The following PDIA3 variants were observed in gnomAD, a reference collection of about 807,000 sequenced individuals.
PDIA3 encodes the protein protein disulfide-isomerase A3.
A neutral mutation model predicts 56.9 loss-of-function variants in PDIA3; 16 were observed. The ratio of observed to expected loss-of-function variants is 0.28; its 90% CI spans 0.19 to 0.43. The LOEUF is 0.43. Among genes scored for constraint, PDIA3 ranks in the 20% least tolerant of loss-of-function variants. The pLI is 1.00. For synonymous variants in PDIA3, 192 were observed against 216.5 expected (o/e 0.89, Z 0.99); for missense variants, 485 against 621.3 (o/e 0.78, Z 2.33).
chr15:43,752,864 G>A (rs188286242), intron 1 of PDIA3: 5,014 of 471,100 alleles, frequency 0.011, 59 homozygotes, highest in Non-Finnish European at 0.015. Flanking sequence ...AAAAGGTGAT[G>A]TACAGCTGGT....
At chr15:43,763,025 C>A (rs544875681) in intron 4 of PDIA3, 52 bp from the exon 5 acceptor site, 24 of 1,570,684 alleles carry the variant, frequency 1.5e-5, no homozygotes, top group Middle Eastern at 1.7e-4. Flanking sequence ...TTTGGAATGT[C>A]CATCTGTCAG....
intron 1 of PDIA3, among the ~76,000 whole-genome samples, chr15:43,750,498 G>A (rs900174499): frequency 3.3e-5 from 5 of 151,720 alleles, no homozygotes; most frequent in South Asian, 2.1e-4. Flanking sequence ...GTCCTTGGCC[G>A]GGCACGGTGG....
intron 5 of PDIA3, among the ~76,000 whole-genome samples, chr15:43,764,498 G>A (rs2086836260): frequency 6.6e-6 from 1 of 152,052 alleles, no homozygotes; most frequent in African/African-American, 2.4e-5. Context: ...ACAGAGTCTC[G>A]CCCTTGTTGC....
chr15:43,747,288 C>T (rs1466773484), intron 1 of PDIA3, among the ~76,000 whole-genome samples: 1 of 152,244 alleles, frequency 6.6e-6, no homozygotes, highest in South Asian at 2.1e-4. Flanking sequence ...ATCTCAGTAC[C>T]GGCAGATACC....
chr15:43,751,860 A>AT, intron 1 of PDIA3: 3 of 787,350 alleles, frequency 3.8e-6, no homozygotes, highest in Non-Finnish European at 5.4e-6. Flanking sequence ...ATTGTATGTG[A>AT]TTTTTTTCTC....
At chr15:43,760,830 C>CA (rs1212917643) in intron 3 of PDIA3, among the ~76,000 whole-genome samples, 3 of 150,902 alleles carry the variant, frequency 2.0e-5, no homozygotes, top group Admixed American at 6.6e-5. Context: ...AGCACCCGGC[C>CA]AAAAAAACTT....
At chr15:43,761,368 C>T (rs768073813) in intron 3 of PDIA3, 56 bp from the exon 4 acceptor site, 54 of 931,118 alleles carry the variant, frequency 5.8e-5, no homozygotes, top group Non-Finnish European at 8.2e-5. Context: ...GAATAATTGC[C>T]TTCTCAAAAA....
intron 7 of PDIA3, 80 bp downstream of exon 7, chr15:43,766,092 C>T (rs2086846144): frequency 4.4e-6 from 5 of 1,129,222 alleles, no homozygotes; most frequent in Admixed American, 2.6e-5. Context: ...TTGTTGGTTC[C>T]TTAAGAATCT....
intron 1 of PDIA3, among the ~76,000 whole-genome samples, chr15:43,749,476 GA>G (rs2086729775): frequency 6.6e-6 from 1 of 152,134 alleles, no homozygotes; most frequent in Admixed American, 6.5e-5. Context: ...TATCTTACAA[GA>G]AACAGTTAAA....
At chr15:43,759,601 A>G (rs2086801601) in intron 3 of PDIA3, among the ~76,000 whole-genome samples, 3 of 152,220 alleles carry the variant, frequency 2.0e-5, no homozygotes, top group Non-Finnish European at 2.9e-5. Context: ...CCACAGCAGC[A>G]TTATTCATAG....
intron 3 of PDIA3, among the ~76,000 whole-genome samples, chr15:43,759,685 A>G (rs1399136762): frequency 6.6e-6 from 1 of 152,258 alleles, no homozygotes; most frequent in African/African-American, 2.4e-5. Context: ...ATATGCATCC[A>G]GTGGAAGATT....
In PDIA3 at chr15:43,769,569, G is replaced by T; in HGVS notation, c.1189G>T (p.Val397Leu). Residue 397 changes from valine (V) to leucine (L), a missense_variant, in exon 10 of 13, where the codon GTG becomes TTG. Val to Leu is a conservative substitution (Grantham distance 32). Transcript: ENST00000300289. Reference sequence around the variant, plus strand: ...AATAGTGAATAATGAAAATAAAGATGTGCTGATTGAATTTTATGCCCCTTG... The same window carrying T: ...AATAGTGAATAATGAAAATAAAGATTTGCTGATTGAATTTTATGCCCCTTG... ...DEIVNNENKD[V>L]LIEFYAPWCG... The T allele has an allele frequency of 6.2e-7, 1 of 1,612,754 alleles. No homozygotes were observed.
At chr15:43,763,236 A>G in intron 5 of PDIA3, 30 bp downstream of exon 5, 2 of 1,608,710 alleles carry the variant, frequency 1.2e-6, no homozygotes, top group Non-Finnish European at 1.7e-6. Flanking sequence ...CTCCTGACCA[A>G]GTATTATTGT....
At position 43,765,476 on chromosome 15, in the gene PDIA3, A is replaced by G. The variant is rs778107564; in HGVS notation, c.629A>G (p.His210Arg). The change falls in exon 6 of 13, where the codon CAT (histidine) becomes CGT (arginine). Residue 210 changes from histidine (H) to arginine (R), a missense_variant. By Grantham distance (29) the His-to-Arg change is conservative (BLOSUM62 0). Transcript: ENST00000300289. ...GGTATCATCTTATTTCGTCCTTCACATCTCACTAACAAGTTTGAGGACAAG... is the reference window on the plus strand; with the variant it reads ...GGTATCATCTTATTTCGTCCTTCACGTCTCACTAACAAGTTTGAGGACAAG... ...GEGIILFRPS[H>R]LTNKFEDKTV... 8.1e-6 allele frequency: 13 copies of G among 1,610,124 alleles called. No individual in the cohort carries two copies. Among genetic ancestry groups the G allele is most frequent in the African/African-American group, 5.4e-5 (4 of 74,576 alleles).
chr15:43,751,005 G>T (rs1006175952), intron 1 of PDIA3, among the ~76,000 whole-genome samples: 1 of 151,878 alleles, frequency 6.6e-6, no homozygotes, highest in African/African-American at 2.4e-5. Context: ...GGTGGCAGGA[G>T]CCTGTAATCC....
intron 1 of PDIA3, chr15:43,751,583 G>T: frequency 7.7e-7 from 1 of 1,304,002 alleles, no homozygotes; most frequent in South Asian, 1.2e-5. Flanking sequence ...TACCACCTGA[G>T]TTCCATTCCT....
intron 2 of PDIA3, among the ~76,000 whole-genome samples, chr15:43,754,772 TG>T (rs1212989686): frequency 1.3e-5 from 2 of 151,514 alleles, no homozygotes; most frequent in African/African-American, 4.9e-5. Flanking sequence ...GTAGATCACT[TG>T]AGACCAGCCT....
At chr15:43,770,102 T>C (rs2086872178) in intron 10 of PDIA3, 148 bp from the exon 11 acceptor site, 1 of 634,708 alleles carries the variant, frequency 1.6e-6, no homozygotes, top group East Asian at 2.8e-5. Context: ...GTTTATCTGC[T>C]GGAATTACAG....
Position 43,765,586 on chromosome 15 carries a change from T to G in PDIA3, c.719+20T>G. 7.4e-7 allele frequency: 1 copy of G among 1,348,964 alleles called. No individual in the cohort carries two copies. Among genetic ancestry groups the G allele is most frequent in the Non-Finnish European group, 1.1e-6 (1 of 947,564 alleles). The allele number at this position is 1,348,964 out of a possible 1,614,324, so 83.6% of individuals were successfully genotyped here. On this transcript the variant is annotated intron_variant, in intron 6 of 12. Transcript: ENST00000300289. ...AAACATGTGAGTACTTCTTTGTATC[T>G]TGTCTGGGATTTATTTGCTTGATTT...
Sources: gnomAD v4.1 joint callset for allele counts (sites outside exome capture counted in the v4.1 genomes callset) on GRCh38, gnomAD v4.1.1 for gene constraint, MANE v1.5 for transcripts, NCBI Gene and HGNC (gene_info 2026-07-23, HGNC 2026-07-21) for gene names.